The following EPM2A variants were observed in gnomAD, a reference collection of about 807,000 sequenced individuals.
The protein encoded by EPM2A is EPM2A glucan phosphatase, laforin.
A neutral mutation model predicts 26.5 loss-of-function variants in EPM2A; 21 were observed. That is an observed-to-expected ratio of 0.79 (90% CI 0.56 to 1.14). The LOEUF (loss-of-function observed/expected upper bound fraction) is 1.14. Ranked by LOEUF, EPM2A falls within the 50% of genes most tolerant of loss-of-function variation. EPM2A has a pLI of 0.00. For synonymous variants in EPM2A, 217 were observed against 177.6 expected, an observed-to-expected ratio of 1.22 and a Z score of -1.76; for missense variants, 458 against 440.8, an observed-to-expected ratio of 1.04 and a Z score of -0.35.
At chr6:145,503,194 T>C (rs1470404949) in intron 2 of EPM2A, among the ~76,000 whole-genome samples, 3 of 152,182 alleles carry the variant, frequency 2.0e-5, no homozygotes, top group Admixed American at 2.0e-4. Context: ...TTCAGGTCTA[T>C]TTATTATTGA....
intron 2 of EPM2A, among the ~76,000 whole-genome samples, chr6:145,580,265 T>A (rs1454234982): frequency 6.6e-6 from 1 of 152,156 alleles, no homozygotes; most frequent in Non-Finnish European, 1.5e-5. Flanking sequence ...TTTTTTCTTT[T>A]ACACAAAACA....
At chr6:145,490,392 G>T in intron 4 of EPM2A, 6 of 913,084 alleles carry the variant, frequency 6.6e-6, no homozygotes, top group Non-Finnish European at 1.1e-5. Context: ...ATGCAGTGAG[G>T]TGACATTTGA....
chr6:145,671,326 C>T (rs1352941238), intron 2 of EPM2A: 25 of 1,008,266 alleles, frequency 2.5e-5, no homozygotes, highest in Admixed American at 5.7e-5. Context: ...GTTGAATGTA[C>T]GTCTTGAGCT....
chr6:145,674,843 C>G (rs1779907940), intron 2 of EPM2A, among the ~76,000 whole-genome samples: 1 of 151,916 alleles, frequency 6.6e-6, no homozygotes, highest in African/African-American at 2.4e-5. Flanking sequence ...AGAATGGAAC[C>G]AAGTTGGAAA....
chr6:145,387,552 T>A (rs562032168), intron 4 of EPM2A, among the ~76,000 whole-genome samples: 2 of 152,230 alleles, frequency 1.3e-5, no homozygotes, highest in East Asian at 3.9e-4. Context: ...GAGAACCCGA[T>A]GTCTTGGTTC....
At chr6:145,549,212 G>T (rs985759172) in intron 2 of EPM2A, among the ~76,000 whole-genome samples, 1 of 152,024 alleles carries the variant, frequency 6.6e-6, no homozygotes, top group Non-Finnish European at 1.5e-5. Context: ...TAACATTCTT[G>T]CCCCCTGCTC....
chr6:145,575,700 A>G (rs983209252), intron 2 of EPM2A, among the ~76,000 whole-genome samples: 1 of 152,188 alleles, frequency 6.6e-6, no homozygotes, highest in Non-Finnish European at 1.5e-5. Context: ...GGAGTGTCAA[A>G]TGCATTTATT....
intron 4 of EPM2A, among the ~76,000 whole-genome samples, chr6:145,393,496 G>C (rs1041330277): frequency 2.0e-5 from 3 of 152,084 alleles, no homozygotes; most frequent in Non-Finnish European, 4.4e-5. Flanking sequence ...ACTGACGCCA[G>C]AACAGTTTTT....
chr6:145,491,421 C>G (rs368808432), intron 4 of EPM2A, among the ~76,000 whole-genome samples: 1 of 152,074 alleles, frequency 6.6e-6, no homozygotes, highest in South Asian at 2.1e-4. Context: ...CTGGCAGGAC[C>G]CTCCATCCCC....
intron 4 of EPM2A, among the ~76,000 whole-genome samples, chr6:145,479,286 G>T (rs1003176908): frequency 1.7e-4 from 24 of 145,316 alleles, no homozygotes; most frequent in African/African-American, 5.0e-4. Flanking sequence ...ATATATATAT[G>T]ATTTAACTAT....
chr6:145,734,054 T>TAA (rs58953689), intron 1 of EPM2A, among the ~76,000 whole-genome samples: 6 of 151,874 alleles, frequency 4.0e-5, no homozygotes, highest in African/African-American at 1.2e-4. Context: ...AATGAAGTGT[T>TAA]AAAAAAAATG....
At chr6:145,455,157 CAA>C (rs1257351293) in intron 4 of EPM2A, among the ~76,000 whole-genome samples, 4 of 151,768 alleles carry the variant, frequency 2.6e-5, no homozygotes, top group Admixed American at 1.3e-4. Context: ...GTTGTGGTAA[CAA>C]ATGGAATTTG....
At chr6:145,447,452 C>T (rs1255221359) in intron 4 of EPM2A, among the ~76,000 whole-genome samples, 1 of 152,026 alleles carries the variant, frequency 6.6e-6, no homozygotes, top group East Asian at 1.9e-4. Context: ...TTACTATATA[C>T]ATCTGCTAAT....
chr6:145,529,738 C>T (rs1007895408), intron 2 of EPM2A, among the ~76,000 whole-genome samples: 2 of 152,150 alleles, frequency 1.3e-5, no homozygotes, highest in East Asian at 3.9e-4. Context: ...ACAGAGCAGG[C>T]ACTTGGTAAA....
chr6:145,411,759 G>C (rs897488289), intron 4 of EPM2A, among the ~76,000 whole-genome samples: 1 of 152,138 alleles, frequency 6.6e-6, no homozygotes, highest in East Asian at 1.9e-4. Flanking sequence ...CTCAAAGAGC[G>C]TAAGAACATC....
At chr6:145,527,140 C>G (rs1383273083) in intron 2 of EPM2A, among the ~76,000 whole-genome samples, 1 of 151,840 alleles carries the variant, frequency 6.6e-6, no homozygotes, top group Admixed American at 6.6e-5. Flanking sequence ...CCACTGTGTT[C>G]TGAGAATATA....
intron 2 of EPM2A, among the ~76,000 whole-genome samples, chr6:145,649,747 T>C (rs1777740373): frequency 6.6e-6 from 1 of 152,240 alleles, no homozygotes; most frequent in South Asian, 2.1e-4. Context: ...GCCACACTCA[T>C]TTGTTTACAT....
intron 1 of EPM2A, chr6:145,722,603 G>A (rs748382766): frequency 8.1e-5 from 20 of 248,236 alleles, no homozygotes; most frequent in Non-Finnish European, 1.2e-4. Flanking sequence ...GAATAATTTG[G>A]TGAATGAAGT....
At chr6:145,489,467 G>C (rs1263932712) in intron 4 of EPM2A, among the ~76,000 whole-genome samples, 2 of 152,100 alleles carry the variant, frequency 1.3e-5, no homozygotes, top group African/African-American at 4.8e-5. Context: ...CTCTGGCATT[G>C]AGCTGGGGAA....
Sources: allele counts gnomAD v4.1 joint callset (sites outside exome capture counted in the v4.1 genomes callset), GRCh38; gene constraint gnomAD v4.1.1; transcripts MANE v1.5; gene names NCBI Gene and HGNC (gene_info 2026-07-23, HGNC 2026-07-21).